Variants in AFF2 observed in about 807,000 individuals in gnomAD.
The protein encoded by AFF2 is AF4/FMR2 family member 2.
In AFF2, 14 loss-of-function variants were observed where a neutral mutation model predicts 76.9. The observed-to-expected ratio is 0.18, with a 90% CI of 0.12 to 0.28. AFF2 has a LOEUF of 0.28. AFF2 is among the 10% of genes least tolerant of loss of function. The pLI is 1.00. For synonymous variants in AFF2, 398 were observed against 366.7 expected (o/e 1.09, Z -0.98); for missense variants, 868 against 1,001.1 (o/e 0.87, Z 1.79).
intron 3 of AFF2, among the ~76,000 whole-genome samples, chrX:148,707,350 AG>A (rs1557262484): frequency 9.0e-6 from 1 of 111,224 alleles, no homozygotes; most frequent in Non-Finnish European, 1.9e-5. Flanking sequence ...TGTGTATTGT[AG>A]GCATTAACAT....
chrX:148,661,543 G>T (rs1298582376), intron 2 of AFF2, among the ~76,000 whole-genome samples: 1 of 112,108 alleles, frequency 8.9e-6, no homozygotes, highest in African/African-American at 3.2e-5. Flanking sequence ...TGATTGGTAA[G>T]CAGAAGTTGT....
At chrX:148,556,977 C>T (rs1190754466) in intron 1 of AFF2, among the ~76,000 whole-genome samples, 1 of 111,948 alleles carries the variant, frequency 8.9e-6, no homozygotes, top group Non-Finnish European at 1.9e-5. Context: ...TTTTTTGAAA[C>T]AACCAGAAAG....
intron 2 of AFF2, among the ~76,000 whole-genome samples, chrX:148,660,519 C>T (rs913293278): frequency 1.8e-4 from 20 of 112,133 alleles, no homozygotes; most frequent in Admixed American, 6.6e-4. Context: ...GGTATACTCC[C>T]TGTGTACACT....
In AFF2 at chrX:148,884,397, G is replaced by A. The variant is rs371367052; in HGVS notation, c.1263-1492G>A. 7.1e-5 allele frequency among the ~76,000 whole-genome samples: 8 copies of A among 112,006 alleles called. No homozygotes were observed. In the East Asian group the frequency reaches 8.5e-4, roughly 12 times the overall value. ...TTTTTTGGAGAGTTATTGGATATCCGCTCTGCCCTGACTCTCCTTTCAATA... is the reference window on the plus strand; with the variant it reads ...TTTTTTGGAGAGTTATTGGATATCCACTCTGCCCTGACTCTCCTTTCAATA... On this transcript the variant is annotated intron_variant, in intron 7 of 20. Transcript: ENST00000370460.
chrX:148,520,235 ATG>A (rs1267280902), intron 1 of AFF2, among the ~76,000 whole-genome samples: 1 of 112,252 alleles, frequency 8.9e-6, no homozygotes, highest in African/African-American at 3.2e-5. Flanking sequence ...AATGAAATAC[ATG>A]TGTTTCTGAT....
intron 1 of AFF2, among the ~76,000 whole-genome samples, chrX:148,538,625 G>A (rs2052815431): frequency 8.9e-6 from 1 of 112,453 alleles, no homozygotes; most frequent in Non-Finnish European, 1.9e-5. Context: ...TATTTAAAAA[G>A]AAAATAAGCC....
At chrX:148,773,651 GAGGA>G (rs1221444605) in intron 3 of AFF2, among the ~76,000 whole-genome samples, 5 of 91,037 alleles carry the variant, frequency 5.5e-5, no homozygotes, top group African/African-American at 2.0e-4. Context: ...AGGAGGGAGG[GAGGA>G]AGGAAGGAAG....
chrX:148,973,737 T>C (rs2072288150), intron 16 of AFF2, 130 bp downstream of exon 16: 1 of 674,395 alleles, frequency 1.5e-6, no homozygotes. Context: ...TCATCATAAT[T>C]AGTTCTTGCC....
rs2072626660 is a variant in AFF2 at position 148,998,049 on chromosome X, A to G, written c.*6717A>G. On this transcript the variant is annotated 3_prime_UTR_variant, in exon 21 of 21. Transcript: ENST00000370460. ...AGTGCTTCTGAAGATTGTTTGCTGT[A>G]GTGTTGTCTTTGATAAAATGAATGT... The G allele has an allele frequency of 8.9e-6, 1 of 112,111 alleles. No homozygotes were observed. The highest frequency in any genetic ancestry group is 3.7e-4 in the South Asian group (1 of 2,691). 9.2% of individuals were successfully genotyped at this position (112,111 alleles called of 1,213,427 possible).
chrX:148,737,121 T>C (rs1241180351), intron 3 of AFF2, among the ~76,000 whole-genome samples: 2 of 111,317 alleles, frequency 1.8e-5, no homozygotes, highest in African/African-American at 6.5e-5. Flanking sequence ...TCCATATGAA[T>C]TTTAGAATTG....
intron 1 of AFF2, among the ~76,000 whole-genome samples, chrX:148,530,613 A>G (rs1387200830): frequency 1.8e-5 from 2 of 109,057 alleles, no homozygotes; most frequent in Non-Finnish European, 3.8e-5. Context: ...TCTTGCTTGC[A>G]ATGTCTTATA....
intron 7 of AFF2, among the ~76,000 whole-genome samples, chrX:148,843,690 T>G (rs1392611473): frequency 9.0e-6 from 1 of 111,516 alleles, no homozygotes; most frequent in Non-Finnish European, 1.9e-5. Context: ...TTTTGGAGCC[T>G]GAGAAGTTTG....
intron 1 of AFF2, among the ~76,000 whole-genome samples, chrX:148,550,440 T>C (rs1557238740): frequency 8.9e-6 from 1 of 111,892 alleles, no homozygotes; most frequent in Non-Finnish European, 1.9e-5. Flanking sequence ...TTTTGAAATT[T>C]CTAATTTTGT....
chrX:148,750,092 C>T (rs907971484), intron 3 of AFF2, among the ~76,000 whole-genome samples: 72 of 109,989 alleles, frequency 6.5e-4, no homozygotes, highest in African/African-American at 2.0e-3. Context: ...CTCAGCCTCC[C>T]GAGTAGCTGG....
At chrX:148,589,406 T>C (rs2053501302) in intron 1 of AFF2, among the ~76,000 whole-genome samples, 1 of 112,355 alleles carries the variant, frequency 8.9e-6, no homozygotes, top group Non-Finnish European at 1.9e-5. Flanking sequence ...CAGAGAAGGA[T>C]GACTATGCTT....
At chrX:148,864,387 A>G (rs1294984907) in intron 7 of AFF2, among the ~76,000 whole-genome samples, 1 of 112,067 alleles carries the variant, frequency 8.9e-6, no homozygotes, top group African/African-American at 3.2e-5. Flanking sequence ...GATAACAGGC[A>G]TTTCTTTTGG....
At chrX:148,797,308 A>G (rs782678604) in intron 3 of AFF2, among the ~76,000 whole-genome samples, 2 of 111,882 alleles carry the variant, frequency 1.8e-5, no homozygotes, top group East Asian at 5.6e-4. Context: ...GACTTGCCCA[A>G]AGTCATACAG....
intron 2 of AFF2, among the ~76,000 whole-genome samples, chrX:148,654,660 G>A (rs1350145375): frequency 1.8e-5 from 2 of 109,356 alleles, no homozygotes; most frequent in African/African-American, 6.7e-5. Flanking sequence ...AATACAAGAT[G>A]GAGAGCAGTT....
chrX:148,781,492 A>C (rs1405419083), intron 3 of AFF2, among the ~76,000 whole-genome samples: 5 of 112,346 alleles, frequency 4.5e-5, no homozygotes, highest in Non-Finnish European at 9.4e-5. Context: ...GGCTCTGCCC[A>C]GTCCAAACTT....
Sources: allele counts gnomAD v4.1 joint callset (sites outside exome capture counted in the v4.1 genomes callset), GRCh38; gene constraint gnomAD v4.1.1; transcripts MANE v1.5; gene names NCBI Gene and HGNC (gene_info 2026-07-23, HGNC 2026-07-21).